The following CUL4A variants were observed in gnomAD, a reference collection of about 807,000 sequenced individuals.
The protein encoded by CUL4A is cullin 4A.
Under a neutral mutation model 95.5 loss-of-function variants are expected in CUL4A, and 16 were observed. That is an observed-to-expected ratio of 0.17 (90% confidence interval 0.11 to 0.25). The LOEUF (loss-of-function observed/expected upper bound fraction) is 0.25, where lower values mean the gene tolerates loss of function less well. Ranked by LOEUF, CUL4A falls within the 10% of genes least tolerant of loss-of-function variation. The pLI is 1.00. For missense variants in CUL4A, 610 were observed against 937.0 expected (o/e 0.65, Z 4.56); for synonymous variants, 380 against 353.1 (o/e 1.08, Z -0.85).
At chr13:113,226,100 C>T (rs530572938) in intron 3 of CUL4A, among the ~76,000 whole-genome samples, 9 of 152,334 alleles carry the variant, frequency 5.9e-5, no homozygotes, top group East Asian at 1.9e-4. Flanking sequence ...TCCTCAGGCT[C>T]TGCCTGGCAC....
intron 18 of CUL4A, among the ~76,000 whole-genome samples, chr13:113,256,243 T>G (rs549442966): frequency 6.6e-6 from 1 of 152,264 alleles, no homozygotes; most frequent in South Asian, 2.1e-4. Context: ...GATCGCAGTC[T>G]TCTCCTGGCC....
chr13:113,236,902 A>G lies in CUL4A; in HGVS notation c.916+12A>G. 6.3e-7 allele frequency: 1 copy of G among 1,591,614 alleles called. No homozygotes were observed. The highest frequency in any genetic ancestry group is 8.6e-7 in the Non-Finnish European group (1 of 1,161,408). ...AATTCTGCAGAAAGGTAGATTTCCT[A>G]ACTCTTGTGCAAATTAAACTGAACA... On this transcript the variant is annotated intron_variant, in intron 9 of 19. Coordinates refer to ENST00000375440, the MANE Select transcript of CUL4A (RefSeq NM_001008895.4).
At position 113,256,926 on chromosome 13, in the gene CUL4A, G is replaced by GTTTT. The variant is rs951070829; in HGVS notation, c.2031+1821_2031+1824dup. Among the ~76,000 whole-genome samples the GTTTT allele has an allele frequency of 1.7e-3, 81 of 47,368 alleles. 1 individual carries two copies. The highest frequency in any genetic ancestry group is 1.9e-3 in the Non-Finnish European group (52 of 27,920). 31.1% of individuals were successfully genotyped at this position (47,368 alleles called of 152,430 possible). A position where few individuals can be genotyped will look rare whatever the true frequency, so the allele number is the denominator to read the frequency against. On this transcript the variant is annotated intron_variant, in intron 18 of 19. Coordinates refer to ENST00000375440, the MANE Select transcript of CUL4A (RefSeq NM_001008895.4). Reference sequence around the variant, plus strand: ...AATGCTTTGTCCCTTTTTTTTTTTCGTTTTTTTTTTTTTTTTTTTTTTTGC... The same window carrying GTTTT: ...AATGCTTTGTCCCTTTTTTTTTTTCGTTTTTTTTTTTTTTTTTTTTTTTTTTTGC...
chr13:113,233,085 T>G (rs561269110), intron 5 of CUL4A, 92 bp from the exon 6 acceptor site: 2 of 1,323,792 alleles, frequency 1.5e-6, no homozygotes, highest in African/African-American at 2.9e-5. Context: ...TTCACATTTT[T>G]GGGATGATAT....
At chr13:113,249,354 A>G (rs2041935487) in intron 15 of CUL4A, among the ~76,000 whole-genome samples, 1 of 151,878 alleles carries the variant, frequency 6.6e-6, no homozygotes, top group Non-Finnish European at 1.5e-5. Flanking sequence ...GTGCTGTGCC[A>G]TACATCAGCG....
In CUL4A at chr13:113,235,078, A is replaced by G. The variant is rs2041494696; in HGVS notation, c.781A>G (p.Asn261Asp). The change falls in exon 8 of 20, where the codon AAC (asparagine) becomes GAC (aspartate). Residue 261 changes from asparagine (N) to aspartate (D), a missense_variant. By Grantham distance (23) the Asn-to-Asp change is conservative. Transcript: ENST00000375440. ...TGTTTGTAAGGTTCCAGAATATCTT[A>G]ACCATGTAAGTAAACGCTTAGAGGA... ...MQEREVPEYLNHVSKRLEEEG... is the reference protein window; with the variant it reads ...MQEREVPEYLDHVSKRLEEEG... 6.2e-7 allele frequency: 1 copy of G among 1,611,526 alleles called. No individual in the cohort carries two copies. The highest frequency in any genetic ancestry group is 1.3e-5 in the African/African-American group (1 of 75,014).
At chr13:113,257,654 C>T (rs191086889) in intron 18 of CUL4A, among the ~76,000 whole-genome samples, 73 of 152,292 alleles carry the variant, frequency 4.8e-4, no homozygotes, top group Admixed American at 1.6e-3. Flanking sequence ...CCCACCCACC[C>T]GGTCCCATCT....
At position 113,260,702 on chromosome 13, in the gene CUL4A, T is replaced by G. The variant is rs761285158; in HGVS notation, c.2127T>G (p.Thr709=). 1 of 1,609,588 alleles carries G rather than the reference T, an allele frequency of 6.2e-7. No homozygotes were observed. The highest frequency in any genetic ancestry group is 1.7e-5 in the Admixed American group (1 of 59,482). The change falls in exon 19 of 20, where the codon ACT becomes ACG. Residue 709 remains threonine, a synonymous_variant. Coordinates refer to ENST00000375440, the MANE Select transcript of CUL4A (RefSeq NM_001008895.4). ...AIVRIMKMRK[T]LGHNLLVSEL... is the part of the protein sequence containing the mutation. ...TCAGAATAATGAAGATGAGAAAGAC[T>G]CTTGGTCATAATCTTCTAGTTTCTG...
chr13:113,213,867 C>G (rs574445630), intron 2 of CUL4A, among the ~76,000 whole-genome samples: 2 of 152,238 alleles, frequency 1.3e-5, no homozygotes, highest in Non-Finnish European at 2.9e-5. Flanking sequence ...TACTTGTGAT[C>G]ATCTCTCCAC....
chr13:113,230,874 G>A lies in CUL4A; in HGVS notation c.512+1355G>A, dbSNP rs554082758. Among the ~76,000 whole-genome samples, 24 of 152,198 alleles carry A rather than the reference G, an allele frequency of 1.6e-4. No individual in the cohort carries two copies. The South Asian group carries it at 5.0e-3, about 32-fold the overall frequency. On this transcript the variant is annotated intron_variant, in intron 5 of 19. Coordinates refer to ENST00000375440, the MANE Select transcript of CUL4A (RefSeq NM_001008895.4). The stretch of plus-strand genomic sequence containing the variant: ...CAGCCTCAAACTCCTGGGCTCAAGT[G>A]ATCTTCCTGCGTTGGCCTCCCCTGT...
chr13:113,208,726 G>A, upstream of CUL4A: 2 of 1,495,150 alleles, frequency 1.3e-6, no homozygotes, highest in African/African-American at 2.9e-5. Flanking sequence ...GGGTCCTGGC[G>A]CCCCCGGCCC....
upstream of CUL4A, chr13:113,208,536 G>C: frequency 6.3e-7 from 1 of 1,584,578 alleles, no homozygotes; most frequent in South Asian, 1.1e-5. Flanking sequence ...CAAGGCAGGA[G>C]GGGACACACG....
chr13:113,245,503 C>T (rs2041832836), intron 14 of CUL4A, among the ~76,000 whole-genome samples: 1 of 152,074 alleles, frequency 6.6e-6, no homozygotes, highest in African/African-American at 2.4e-5. Context: ...TGAGCCGTGA[C>T]TGCACCACTG....
chr13:113,210,143 C>A (rs1331734534), intron 2 of CUL4A, 55 bp downstream of exon 2: 1 of 1,219,902 alleles, frequency 8.2e-7, no homozygotes, highest in Non-Finnish European at 1.1e-6. Flanking sequence ...GACGCAGACG[C>A]GGCCGGGCGG....
rs767950403 is a variant in CUL4A, at chr13:113,235,093, C to T, written c.796C>T (p.Arg266Cys). ...VPEYLNHVSK[R>C]LEEEGDRVIT... ...AGAATATCTTAACCATGTAAGTAAA[C>T]GCTTAGAGGAAGAGGGAGACAGAGT... Residue 266 changes from arginine to cysteine, a missense_variant, in exon 8 of 20, where the codon CGC (arginine) becomes TGC (cysteine). Arg to Cys is a radical substitution (Grantham distance 180). This residue lies in a region of CUL4A where 153 missense variants were observed against 244.5 expected (regional missense o/e 0.63). Coordinates refer to ENST00000375440, the MANE Select transcript of CUL4A (RefSeq NM_001008895.4). 5.6e-6 allele frequency: 9 copies of T among 1,612,898 alleles called. No individual in the cohort carries two copies. Among genetic ancestry groups the T allele is most frequent in the South Asian group, 3.3e-5 (3 of 91,006 alleles).
intron 15 of CUL4A, among the ~76,000 whole-genome samples, chr13:113,248,142 A>G (rs1202260752): frequency 1.3e-5 from 2 of 151,958 alleles, no homozygotes; most frequent in African/African-American, 4.8e-5. Context: ...TCACTAAGTA[A>G]TCTGTGAGGA....
intron 18 of CUL4A, among the ~76,000 whole-genome samples, chr13:113,260,220 C>CAAAACAAAAAA (rs1555307279): frequency 5.5e-5 from 1 of 18,064 alleles, no homozygotes; most frequent in African/African-American, 2.9e-4. Flanking sequence ...AAAAAAAAAA[C>CAAAACAAAAAA]CATTTCCCAT....
chr13:113,240,173 G>A (rs1170347502), intron 10 of CUL4A, among the ~76,000 whole-genome samples: 2 of 152,092 alleles, frequency 1.3e-5, no homozygotes, highest in Non-Finnish European at 2.9e-5. Flanking sequence ...GGGGCTCTCG[G>A]CCCAGGGCAC....
Position 113,233,323 on chromosome 13 carries a change from T to C in CUL4A, c.659T>C (p.Met220Thr), listed in dbSNP as rs1216836429. The C allele has an allele frequency of 6.2e-7, 1 of 1,612,992 alleles. No individual in the cohort carries two copies. Among genetic ancestry groups the C allele is most frequent in the African/African-American group, 1.3e-5 (1 of 75,036 alleles). Residue 220 changes from methionine (M) to threonine (T), a missense_variant, in exon 6 of 20, where the codon ATG (methionine) becomes ACG (threonine). This residue lies in a region of CUL4A where 97 missense variants were observed against 100.3 expected (regional missense o/e 0.97). Transcript: ENST00000375440. ...AGCCTGTTGCGGAGCCTCCTGGGCA[T>C]GCTGTCTGACCTGCAGGTGAGTGCT... ...DRSLLRSLLGMLSDLQVYKDS... is the reference protein window; with the variant it reads ...DRSLLRSLLGTLSDLQVYKDS...
Sources: gnomAD v4.1 joint callset for allele counts (sites outside exome capture counted in the v4.1 genomes callset) on GRCh38, gnomAD v4.1.1 for gene constraint, gnomAD v4.1.1 regional missense constraint, MANE v1.5 for transcripts, NCBI Gene and HGNC (gene_info 2026-07-23, HGNC 2026-07-21) for gene names.